Variants in TSPAN9 observed in about 807,000 individuals in gnomAD.
TSPAN9 encodes tetraspanin 9, also known as tetraspanin-9.
In TSPAN9, 16 loss-of-function variants were observed where a neutral mutation model predicts 31.0. The observed-to-expected ratio is 0.52, with a 90% CI of 0.35 to 0.78. The LOEUF is 0.78. Among genes scored for constraint, TSPAN9 ranks in the 30% least tolerant of loss-of-function variants. The pLI is 0.01. For synonymous variants in TSPAN9, 145 were observed against 121.6 expected, an observed-to-expected ratio of 1.19 and a Z score of -1.27; for missense variants, 272 against 312.5, an observed-to-expected ratio of 0.87 and a Z score of 0.98.
intron 3 of TSPAN9, among the ~76,000 whole-genome samples, chr12:3,240,509 G>C (rs529971108): frequency 3.3e-5 from 5 of 152,180 alleles, no homozygotes; most frequent in Non-Finnish European, 7.4e-5. Context: ...GAAGGGTCTG[G>C]TGACGTGCTC....
At chr12:3,081,024 G>C (rs1195861806) in intron 1 of TSPAN9, among the ~76,000 whole-genome samples, 2 of 152,182 alleles carry the variant, frequency 1.3e-5, no homozygotes, top group Admixed American at 1.3e-4. Flanking sequence ...GACTTGGGCG[G>C]ATGCCTTCAC....
At chr12:3,178,634 C>T (rs911360225) in intron 2 of TSPAN9, among the ~76,000 whole-genome samples, 13 of 152,202 alleles carry the variant, frequency 8.5e-5, no homozygotes, top group African/African-American at 1.9e-4. Context: ...CGGTGCCTGA[C>T]GCTTAGTAGG....
chr12:3,245,589 C>T (rs1346281001), intron 3 of TSPAN9, among the ~76,000 whole-genome samples: 3 of 152,170 alleles, frequency 2.0e-5, no homozygotes, highest in Non-Finnish European at 4.4e-5. Context: ...GCCTGCCTGC[C>T]CCGTGTCCTC....
intron 2 of TSPAN9, among the ~76,000 whole-genome samples, chr12:3,096,613 ACACT>A (rs1429801627): frequency 2.0e-5 from 3 of 147,428 alleles, no homozygotes; most frequent in Non-Finnish European, 4.6e-5. Flanking sequence ...GGACACTTAG[ACACT>A]TGCTTGCTTT....
chr12:3,249,431 C>A (rs1243940164), intron 3 of TSPAN9, among the ~76,000 whole-genome samples: 1 of 152,196 alleles, frequency 6.6e-6, no homozygotes, highest in Non-Finnish European at 1.5e-5. Context: ...CTTAAAGTTT[C>A]TGTCTCAAAC....
chr12:3,109,295 TGTGTGA>T (rs2098316874), intron 2 of TSPAN9, among the ~76,000 whole-genome samples: 1 of 114,970 alleles, frequency 8.7e-6, no homozygotes, highest in Non-Finnish European at 1.8e-5. Flanking sequence ...TGTGTGTGTG[TGTGTGA>T]GAGAGAGTGT....
chr12:3,092,194 G>A (rs933417), intron 2 of TSPAN9, among the ~76,000 whole-genome samples: 39,424 of 151,962 alleles, frequency 0.26, 5,198 homozygotes, highest in South Asian at 0.37. Flanking sequence ...CCCCAGAAGC[G>A]GAGACCTGCC....
intron 2 of TSPAN9, among the ~76,000 whole-genome samples, chr12:3,116,441 T>C (rs2098322461): frequency 6.6e-6 from 1 of 152,216 alleles, no homozygotes; most frequent in Non-Finnish European, 1.5e-5. Context: ...ACGGCAATGC[T>C]TGTGAAGTGC....
intron 3 of TSPAN9, among the ~76,000 whole-genome samples, chr12:3,240,752 T>C (rs3825352): frequency 0.1 from 15,933 of 152,226 alleles, 911 homozygotes; most frequent in Middle Eastern, 0.15. Context: ...AATATGAACT[T>C]CTGTGATTTA....
chr12:3,218,305 A>G (rs10774129), intron 3 of TSPAN9, among the ~76,000 whole-genome samples: 138,651 of 152,288 alleles, frequency 0.91, 63,460 homozygotes, highest in East Asian at 1. Context: ...CTTTGAGATC[A>G]CAGCTGAGGT....
chr12:3,114,507 T>TG (rs2098321068), intron 2 of TSPAN9, among the ~76,000 whole-genome samples: 1 of 152,076 alleles, frequency 6.6e-6, no homozygotes, highest in African/African-American at 2.4e-5. Context: ...GGTGAATTTG[T>TG]GGGGTGCTGT....
At chr12:3,122,619 T>C (rs957542056) in intron 2 of TSPAN9, among the ~76,000 whole-genome samples, 1 of 151,948 alleles carries the variant, frequency 6.6e-6, no homozygotes, top group African/African-American at 2.4e-5. Flanking sequence ...TAGGAGACCA[T>C]AGATAAGGAA....
intron 2 of TSPAN9, among the ~76,000 whole-genome samples, chr12:3,174,228 T>C (rs2098353750): frequency 6.6e-6 from 1 of 151,942 alleles, no homozygotes; most frequent in Admixed American, 6.6e-5. Flanking sequence ...CCACCATACC[T>C]GGCTAGTTTT....
intron 2 of TSPAN9, among the ~76,000 whole-genome samples, chr12:3,146,931 G>T (rs2098337534): frequency 6.6e-6 from 1 of 152,104 alleles, no homozygotes; most frequent in African/African-American, 2.4e-5. Context: ...TTACAAGCTT[G>T]CACAAGTCCC....
intron 2 of TSPAN9, among the ~76,000 whole-genome samples, chr12:3,103,041 A>G (rs1438640693): frequency 1.3e-5 from 2 of 152,216 alleles, no homozygotes; most frequent in Admixed American, 6.5e-5. Context: ...CCTAGTTTCC[A>G]GCTGGCTCCC....
chr12:3,142,951 T>G (rs1410174698), intron 2 of TSPAN9, among the ~76,000 whole-genome samples: 1 of 152,190 alleles, frequency 6.6e-6, no homozygotes, highest in Non-Finnish European at 1.5e-5. Flanking sequence ...GACAGTTCCT[T>G]AGTTTCTCCA....
intron 2 of TSPAN9, among the ~76,000 whole-genome samples, chr12:3,154,841 T>A (rs904737735): frequency 6.6e-6 from 1 of 152,254 alleles, no homozygotes; most frequent in Non-Finnish European, 1.5e-5. Context: ...ACTGCCTGCA[T>A]GCCCAGTCAT....
At chr12:3,141,635 G>C (rs567658308) in intron 2 of TSPAN9, among the ~76,000 whole-genome samples, 1 of 152,142 alleles carries the variant, frequency 6.6e-6, no homozygotes, top group South Asian at 2.1e-4. Context: ...CTGACTCCTC[G>C]GTGTGCACGT....
At chr12:3,255,137 G>A (rs764208952) in intron 3 of TSPAN9, among the ~76,000 whole-genome samples, 20 of 152,352 alleles carry the variant, frequency 1.3e-4, no homozygotes, top group African/African-American at 4.6e-4. Context: ...AGCAAGGCAC[G>A]CAGCTGAGCA....
Sources: allele counts gnomAD v4.1 joint callset (sites outside exome capture counted in the v4.1 genomes callset), GRCh38; gene constraint gnomAD v4.1.1; transcripts MANE v1.5; gene names NCBI Gene and HGNC (gene_info 2026-07-23, HGNC 2026-07-21).